The following SAMD3 variants were observed in gnomAD, a reference collection of about 807,000 sequenced individuals.
SAMD3 encodes sterile alpha motif domain containing 3, also known as sterile alpha motif domain-containing protein 3.
SAMD3 carries 63 observed loss-of-function variants against 58.5 expected under a neutral mutation model. That is an observed-to-expected ratio of 1.08 (90% CI 0.88 to 1.33). The LOEUF is 1.33. SAMD3 is among the 40% of genes most tolerant of loss of function. SAMD3 has a pLI of 0.00. For missense variants in SAMD3, 604 were observed against 608.4 expected (o/e 0.99, Z 0.08); for synonymous variants, 220 against 210.3 (o/e 1.05, Z -0.40).
At chr6:130,183,146 A>G in intron 7 of SAMD3, 2 of 328,600 alleles carry the variant, frequency 6.1e-6, no homozygotes, top group East Asian at 8.1e-5. Flanking sequence ...AGTGGTTCTC[A>G]GCCGTGGTTG....
At chr6:130,202,988 G>A (rs370458450) in intron 5 of SAMD3, among the ~76,000 whole-genome samples, 1 of 151,868 alleles carries the variant, frequency 6.6e-6, no homozygotes, top group Admixed American at 6.6e-5. Flanking sequence ...TATACATATC[G>A]GTTCACACAC....
In SAMD3 at chr6:130,259,884, T is replaced by G. The variant is rs548469313; in HGVS notation, c.-187-37071A>C. On this transcript the variant is annotated intron_variant, in intron 2 of 13. Coordinates refer to the SAMD3 transcript ENST00000368134. ...TAATCCACTGAAATTGTTCAATTTT[T>G]TTTTGTTTTACTTGTGCTCATTTGT... 1.1e-4 allele frequency among the ~76,000 whole-genome samples: 16 copies of G among 152,312 alleles called. No homozygotes were observed. In the South Asian group the frequency reaches 3.3e-3, roughly 32 times the overall value.
chr6:130,363,534 G>T lies in SAMD3; in HGVS notation c.-304+1586C>A, dbSNP rs902822614. ...AATTGCATTAAAACAAGTTTGATGT[G>T]AGTGTATATATGTTCAATCACATAT... is the stretch of plus-strand genomic sequence containing the variant. On this transcript the variant is annotated intron_variant, in intron 1 of 13. Coordinates refer to the SAMD3 transcript ENST00000368134. Among the ~76,000 whole-genome samples, 5 of 152,122 alleles carry T rather than the reference G, an allele frequency of 3.3e-5. No homozygotes were observed. In the South Asian group the frequency reaches 1.0e-3, roughly 32 times the overall value.
chr6:130,361,764 A>G (rs1186501911), intron 1 of SAMD3, among the ~76,000 whole-genome samples: 2 of 152,212 alleles, frequency 1.3e-5, no homozygotes, highest in African/African-American at 4.8e-5. Context: ...TTCTTTTACA[A>G]TAAATTTTCA....
intron 1 of SAMD3, among the ~76,000 whole-genome samples, chr6:130,349,097 A>G (rs1226819068): frequency 6.6e-6 from 1 of 152,232 alleles, no homozygotes; most frequent in Non-Finnish European, 1.5e-5. Flanking sequence ...AGGGAAATTC[A>G]TAGCACTAAA....
intron 2 of SAMD3, among the ~76,000 whole-genome samples, chr6:130,236,618 G>A (rs1773158646): frequency 6.6e-6 from 1 of 152,084 alleles, no homozygotes; most frequent in Non-Finnish European, 1.5e-5. Flanking sequence ...TCCTGACCTT[G>A]TGATCCACCC....
chr6:130,159,009 G>A (rs1331016111), intron 8 of SAMD3, among the ~76,000 whole-genome samples: 1 of 152,180 alleles, frequency 6.6e-6, no homozygotes, highest in African/African-American at 2.4e-5. Context: ...TGCAAATGAA[G>A]ACTAGGCCTG....
In SAMD3 at chr6:130,157,618, C is replaced by T. The variant is rs200642431; in HGVS notation, c.823-2593G>A. On this transcript the variant is annotated intron_variant, in intron 8 of 11. Transcript: ENST00000439090. ...TTGGGATTACAGGCATGAGCCACCA[C>T]GCCTGACAGATATGATTTTTAATGG... Among the ~76,000 whole-genome samples, 18 of 152,222 alleles carry T rather than the reference C, an allele frequency of 1.2e-4. No homozygotes were observed. In the East Asian group the frequency reaches 2.3e-3, roughly 20 times the overall value.
At chr6:130,239,706 C>G (rs540270242) in intron 2 of SAMD3, among the ~76,000 whole-genome samples, 5 of 152,246 alleles carry the variant, frequency 3.3e-5, no homozygotes, top group African/African-American at 7.2e-5. Context: ...CCAGTACATT[C>G]CTATTTCTAA....
At chr6:130,343,788 A>C (rs1777350189) in intron 1 of SAMD3, among the ~76,000 whole-genome samples, 1 of 151,998 alleles carries the variant, frequency 6.6e-6, no homozygotes, top group South Asian at 2.1e-4. Context: ...AACATGGCGA[A>C]ACCCTGTCTC....
intron 1 of SAMD3, among the ~76,000 whole-genome samples, chr6:130,324,086 C>T (rs1430419573): frequency 6.6e-6 from 1 of 151,968 alleles, no homozygotes; most frequent in Non-Finnish European, 1.5e-5. Context: ...AAATAGAACA[C>T]TTTAAATTTA....
At chr6:130,348,050 C>T (rs1407678524) in intron 1 of SAMD3, among the ~76,000 whole-genome samples, 1 of 152,138 alleles carries the variant, frequency 6.6e-6, no homozygotes, top group Non-Finnish European at 1.5e-5. Context: ...CACCACCAGG[C>T]CTGCCTTACA....
At chr6:130,317,810 T>G (rs550798364) in intron 1 of SAMD3, among the ~76,000 whole-genome samples, 1 of 152,248 alleles carries the variant, frequency 6.6e-6, no homozygotes, top group Admixed American at 6.5e-5. Context: ...ATAAGCAAGG[T>G]AAGCCCTATA....
At chr6:130,274,667 T>C (rs1283261658) in intron 2 of SAMD3, among the ~76,000 whole-genome samples, 1 of 152,062 alleles carries the variant, frequency 6.6e-6, no homozygotes, top group Non-Finnish European at 1.5e-5. Context: ...TTTGAAGGGA[T>C]TTTTCTCTGT....
At chr6:130,183,374 G>T in intron 7 of SAMD3, 1 of 451,886 alleles carries the variant, frequency 2.2e-6, no homozygotes, top group South Asian at 1.6e-5. Context: ...AAGAACTGCT[G>T]CCCCAGAGCA....
chr6:130,145,490 A>T (rs1342185654), intron 10 of SAMD3, 68 bp from the exon 11 acceptor site: 4 of 1,059,640 alleles, frequency 3.8e-6, no homozygotes, highest in Non-Finnish European at 5.6e-6. Context: ...CTAAGCTAGT[A>T]TTGAAACATC....
At chr6:130,148,772 T>G (rs894948588) in intron 9 of SAMD3, among the ~76,000 whole-genome samples, 1 of 151,974 alleles carries the variant, frequency 6.6e-6, no homozygotes, top group African/African-American at 2.4e-5. Flanking sequence ...CTCAGGAGGC[T>G]GAGGTAGAAG....
chr6:130,362,469 C>CA (rs1320297253), intron 1 of SAMD3, among the ~76,000 whole-genome samples: 1 of 152,176 alleles, frequency 6.6e-6, no homozygotes, highest in African/African-American at 2.4e-5. Context: ...ATTCTTGCAA[C>CA]AAAAACAGTC....
At chr6:130,217,925 C>A (rs1796079058) in intron 1 of SAMD3, among the ~76,000 whole-genome samples, 1 of 152,136 alleles carries the variant, frequency 6.6e-6, no homozygotes, top group Non-Finnish European at 1.5e-5. Flanking sequence ...AAGGGACAAA[C>A]AATTTATCAC....
Sources: allele counts gnomAD v4.1 joint callset (sites outside exome capture counted in the v4.1 genomes callset), GRCh38; gene constraint gnomAD v4.1.1; transcripts MANE v1.5; gene names NCBI Gene and HGNC (gene_info 2026-07-23, HGNC 2026-07-21).